Variants in ERMP1 observed in about 807,000 individuals in gnomAD.
ERMP1 encodes Felix-ina.
ERMP1 carries 86 observed loss-of-function variants against 92.0 expected under a neutral mutation model. That is an observed-to-expected ratio of 0.93 (90% CI 0.79 to 1.12). The LOEUF (loss-of-function observed/expected upper bound fraction) is 1.12, where lower values mean the gene tolerates loss of function less well. Among genes scored for constraint, ERMP1 ranks in the 50% most tolerant of loss-of-function variants. The pLI is 0.00. For missense variants in ERMP1, 1,342 were observed against 1,116.3 expected, an observed-to-expected ratio of 1.20 and a Z score of -2.88; for synonymous variants, 530 against 412.8, an observed-to-expected ratio of 1.28 and a Z score of -3.44.
intron 13 of ERMP1, among the ~76,000 whole-genome samples, chr9:5,796,346 C>A (rs1282343881): frequency 1.3e-5 from 2 of 152,162 alleles, no homozygotes; most frequent in Non-Finnish European, 2.9e-5. Context: ...GGCAAAAGAA[C>A]AGAGAAATCA....
At chr9:5,832,440 C>A (rs368280186) in intron 1 of ERMP1, 173 of 447,252 alleles carry the variant, frequency 3.9e-4, no homozygotes, top group Non-Finnish European at 1.4e-4. Context: ...CAGTGGAAAG[C>A]AGGTTCAATC....
chr9:5,858,697 C>G (rs1563785132), intron 6 of ERMP1, among the ~76,000 whole-genome samples: 1 of 152,166 alleles, frequency 6.6e-6, no homozygotes, highest in Non-Finnish European at 1.5e-5. Context: ...GGGTACTACT[C>G]AAATCACATC....
chr9:5,828,187 G>T (rs1829798817), intron 2 of ERMP1, among the ~76,000 whole-genome samples: 1 of 152,114 alleles, frequency 6.6e-6, no homozygotes, highest in African/African-American at 2.4e-5. Context: ...CAAAAATGCT[G>T]GCCTTTAATT....
At chr9:5,812,395 C>T (rs1829131530) in intron 5 of ERMP1, among the ~76,000 whole-genome samples, 178 bp from the exon 6 acceptor site, 1 of 152,150 alleles carries the variant, frequency 6.6e-6, no homozygotes, top group African/African-American at 2.4e-5. Context: ...CAGTCTATAG[C>T]TTTGGTACAT....
At chr9:5,845,682 T>C (rs1830226076) in intron 6 of ERMP1, among the ~76,000 whole-genome samples, 1 of 152,230 alleles carries the variant, frequency 6.6e-6, no homozygotes, top group South Asian at 2.1e-4. Context: ...AAATTGGTTC[T>C]CCTTGATCAC....
Position 5,831,427 on chromosome 9 carries a change from G to A in ERMP1, c.339-399C>T, listed in dbSNP as rs562732766. On this transcript the variant is annotated intron_variant, in intron 1 of 14. Transcript: ENST00000339450. ...TTGAGACCAGCCTGGGCAACATGGT[G>A]AAACCCCATCTCTTCTAAAACTACA... Among the ~76,000 whole-genome samples, 72 of 152,164 alleles carry A rather than the reference G, an allele frequency of 4.7e-4. No individual in the cohort carries two copies. The South Asian group carries it at 0.014, about 30-fold the overall frequency.
At chr9:5,860,559 C>G (rs1175781867) in intron 5 of ERMP1, among the ~76,000 whole-genome samples, 5 of 152,028 alleles carry the variant, frequency 3.3e-5, no homozygotes, top group African/African-American at 1.2e-4. Context: ...TACATGTTCT[C>G]TCTCTAGTGG....
At chr9:5,865,871 A>ATAATAAATATATAATATAATAATAT (rs1830645029) in intron 5 of ERMP1, among the ~76,000 whole-genome samples, 1 of 150,836 alleles carries the variant, frequency 6.6e-6, no homozygotes, top group Non-Finnish European at 1.5e-5. Flanking sequence ...TAATATAAGT[A>ATAATAAATATATAATATAATAATAT]AATAAATAAA....
upstream of ERMP1, among the ~76,000 whole-genome samples, chr9:5,835,058 T>A (rs1422524646): frequency 6.6e-6 from 1 of 151,382 alleles, no homozygotes; most frequent in East Asian, 2.0e-4. Flanking sequence ...CATTAAAAAC[T>A]ATTTTTCAGA....
rs1829084046 is a variant in ERMP1, at chr9:5,811,332, A to G, written c.1115-9T>C. On this transcript the variant is annotated splice_polypyrimidine_tract_variant and intron_variant, in intron 6 of 14. Transcript: ENST00000339450. The stretch of plus-strand genomic sequence containing the variant: ...TGCTAAAATGTTGTCACCTATTAGT[A>G]AAAACAAAAAAAAAAAGAAAGAAAA... 2 of 1,569,862 alleles carry G rather than the reference A, an allele frequency of 1.3e-6. No homozygotes were observed. The highest frequency in any genetic ancestry group is 1.7e-6 in the Non-Finnish European group (2 of 1,159,576).
chr9:5,824,689 G>C (rs1054755032), intron 3 of ERMP1, among the ~76,000 whole-genome samples: 5 of 152,108 alleles, frequency 3.3e-5, no homozygotes, highest in African/African-American at 1.2e-4. Context: ...GCATGAGCCA[G>C]CGTGCCTGGC....
intron 5 of ERMP1, among the ~76,000 whole-genome samples, chr9:5,861,597 C>G (rs1360736525): frequency 6.6e-6 from 1 of 152,016 alleles, no homozygotes; most frequent in Non-Finnish European, 1.5e-5. Flanking sequence ...AAGACAGGGC[C>G]TCTGGAAACC....
At chr9:5,834,951 TAGAC>T (rs1276369565), upstream of ERMP1, among the ~76,000 whole-genome samples, 1 of 110,084 alleles carries the variant, frequency 9.1e-6, no homozygotes, top group African/African-American at 3.7e-5. Flanking sequence ...ATTAGATAGA[TAGAC>T]AGATGATAGA....
intron 2 of ERMP1, among the ~76,000 whole-genome samples, chr9:5,828,451 A>G (rs1325413781): frequency 1.3e-5 from 2 of 152,178 alleles, no homozygotes; most frequent in African/African-American, 4.8e-5. Flanking sequence ...ACAACTTTAA[A>G]CTTTTGGTGG....
At chr9:5,845,761 C>G (rs555381498) in intron 6 of ERMP1, among the ~76,000 whole-genome samples, 129 of 152,314 alleles carry the variant, frequency 8.5e-4, no homozygotes, top group Middle Eastern at 3.4e-3. Flanking sequence ...CAGGAGAGCA[C>G]GCCTTGCTAA....
At chr9:5,809,966 C>T (rs545685437) in intron 8 of ERMP1, 45 bp downstream of exon 8, 6 of 1,326,612 alleles carry the variant, frequency 4.5e-6, no homozygotes, top group South Asian at 2.4e-5. Flanking sequence ...ATCTTCAGTC[C>T]CTGGAGGCAA....
chr9:5,856,093 T>C (rs367700233), intron 6 of ERMP1: 1 of 376,070 alleles, frequency 2.7e-6, no homozygotes, highest in South Asian at 2.5e-5. Flanking sequence ...AATCTTTAAG[T>C]GTTTCGAATG....
Position 5,811,181 on chromosome 9 carries a change from G to C in ERMP1, c.1257C>G (p.Ile419Met). ...VIAYPSRIGS[I>M]INYMVVMGVV... is the part of the protein sequence containing the mutation. ...CACCCATTACCACCATGTAGTTTAT[G>C]ATTGAGCCAATACGAGAGGGGTAGG... Residue 419 changes from isoleucine (I) to methionine (M), a missense_variant, in exon 7 of 15, where the codon ATC becomes ATG. By Grantham distance (10) the Ile-to-Met change is conservative. Transcript: ENST00000339450. 1 of 1,614,020 alleles carries C rather than the reference G, an allele frequency of 6.2e-7. No individual in the cohort carries two copies.
chr9:5,830,707 A>G lies in ERMP1; in HGVS notation c.640+20T>C. The G allele has an allele frequency of 6.3e-7, 1 of 1,576,692 alleles. No homozygotes were observed. The highest frequency in any genetic ancestry group is 8.6e-7 in the Non-Finnish European group (1 of 1,159,178). ...TCTGGGCTGTGACAAGTTCCAAATG[A>G]CTAAAAAACAGGTACATACCTGGTG... On this transcript the variant is annotated intron_variant, in intron 2 of 14. Transcript: ENST00000339450.
Sources: gnomAD v4.1 joint callset for allele counts (sites outside exome capture counted in the v4.1 genomes callset) on GRCh38, gnomAD v4.1.1 for gene constraint, MANE v1.5 for transcripts, NCBI Gene and HGNC (gene_info 2026-07-23, HGNC 2026-07-21) for gene names.